The following PKD1L3 variants were observed in gnomAD, a reference collection of about 807,000 sequenced individuals.
The protein encoded by PKD1L3 is polycystin 1 like 3, transient receptor potential channel interacting.
In PKD1L3, 239 loss-of-function variants were observed where a neutral mutation model predicts 184.1. That is an observed-to-expected ratio of 1.30 (90% CI 1.17 to 1.45). The LOEUF (loss-of-function observed/expected upper bound fraction) is 1.45, where lower values mean the gene tolerates loss of function less well. PKD1L3 is among the 40% of genes most tolerant of loss of function. The probability of loss-of-function intolerance (pLI) is 0.00; values close to 1 mark genes in which losing one functional copy is unlikely to be tolerated. For missense variants in PKD1L3, 2,660 were observed against 2,067.2 expected, an observed-to-expected ratio of 1.29 and a Z score of -5.56; for synonymous variants, 996 against 778.8, an observed-to-expected ratio of 1.28 and a Z score of -4.64.
chr16:71,951,605 C>T lies in PKD1L3; in HGVS notation c.3149G>A (p.Gly1050Asp), dbSNP rs1451109460. The T allele has an allele frequency of 1.3e-5, 20 of 1,551,662 alleles. No homozygotes were observed. The highest frequency in any genetic ancestry group is 7.0e-6 in the Non-Finnish European group (8 of 1,146,972). ...CTCTCCCTGCTGATGACAGCCTTGA[C>T]CCTCCAAGTGAGATGATACGAGGCT... ...LSSLVSSHLE[G>D]QGCHQQGERH... Residue 1050 changes from glycine to aspartate, a missense_variant, in exon 19 of 30, where the codon GGT becomes GAT. Gly to Asp is a moderately conservative substitution (Grantham distance 94). Coordinates refer to ENST00000620267, the MANE Select transcript of PKD1L3 (RefSeq NM_181536.2).
At chr16:71,973,285 T>A in intron 12 of PKD1L3, 39 bp downstream of exon 12, 6 of 1,539,302 alleles carry the variant, frequency 3.9e-6, no homozygotes, top group Non-Finnish European at 5.3e-6. Context: ...ACAGTAGCTA[T>A]GGCAGAAGAG....
intron 7 of PKD1L3, among the ~76,000 whole-genome samples, chr16:71,980,667 C>G (rs2040113590): frequency 1.3e-5 from 2 of 152,114 alleles, no homozygotes; most frequent in Non-Finnish European, 2.9e-5. Context: ...AACCCTGTCT[C>G]TACTAAAAGT....
intron 6 of PKD1L3, among the ~76,000 whole-genome samples, chr16:71,983,663 CTTTTTTTTTT>C (rs1180950058): frequency 1.0e-5 from 1 of 100,308 alleles, no homozygotes; most frequent in African/African-American, 3.9e-5. Context: ...GATTCTCTTT[CTTTTTTTTTT>C]TTTTTTTTTT....
At chr16:71,938,655 C>T (rs896789471) in intron 24 of PKD1L3, among the ~76,000 whole-genome samples, 1 of 152,214 alleles carries the variant, frequency 6.6e-6, no homozygotes, top group African/African-American at 2.4e-5. Flanking sequence ...ATAAAAACAC[C>T]AGACTCAGCC....
chr16:71,961,143 T>C (rs1355850376), intron 16 of PKD1L3, among the ~76,000 whole-genome samples: 1 of 152,174 alleles, frequency 6.6e-6, no homozygotes, highest in Non-Finnish European at 1.5e-5. Context: ...TGTTTTGTTT[T>C]GAGATGGAGT....
At chr16:71,983,852 C>T (rs897186976) in intron 6 of PKD1L3, among the ~76,000 whole-genome samples, 184 bp downstream of exon 6, 8 of 150,684 alleles carry the variant, frequency 5.3e-5, no homozygotes, top group Non-Finnish European at 8.9e-5. Flanking sequence ...TCAGTAGAGA[C>T]GGGTTTTGCC....
Position 71,997,275 on chromosome 16 carries a change from G to T in PKD1L3, c.418+997C>A, listed in dbSNP as rs116157713. Among the ~76,000 whole-genome samples the T allele has an allele frequency of 9.6e-3, 1,455 of 151,292 alleles. 18 individuals carry two copies. Among genetic ancestry groups the T allele is most frequent in the African/African-American group, 0.033 (1,335 of 40,738 alleles). On this transcript the variant is annotated intron_variant, in intron 2 of 29. Transcript: ENST00000620267. ...TGCCCAGCAATTGCTCAGTTGTATG[G>T]TAGTTGTTTTTTTTTTAAGAAATCA...
intron 2 of PKD1L3, 100 bp downstream of exon 2, chr16:71,998,172 A>G: frequency 6.9e-7 from 1 of 1,456,070 alleles, no homozygotes; most frequent in Non-Finnish European, 9.3e-7. Context: ...CCATGGTCTA[A>G]CACTCACAGA....
chr16:71,982,246 T>G lies in PKD1L3; in HGVS notation c.967-11A>C, dbSNP rs2040190429. On this transcript the variant is annotated splice_polypyrimidine_tract_variant and intron_variant, in intron 6 of 29. Coordinates refer to ENST00000620267, the MANE Select transcript of PKD1L3 (RefSeq NM_181536.2). ...ATTGATGAGATTAACCTGGGAGGAT[T>G]AGAAAGCAAACATACACCCTTGAAT... The G allele has an allele frequency of 2.7e-6, 4 of 1,484,436 alleles. No homozygotes were observed. The highest frequency in any genetic ancestry group is 2.5e-5 in the East Asian group (1 of 39,636). 92.0% of individuals were successfully genotyped at this position (1,484,436 alleles called of 1,614,324 possible). A position where few individuals can be genotyped will look rare whatever the true frequency, so the allele number is the denominator to read the frequency against.
intron 24 of PKD1L3, 116 bp downstream of exon 24, chr16:71,942,443 AC>A: frequency 1.2e-6 from 1 of 820,388 alleles, no homozygotes; most frequent in Non-Finnish European, 1.9e-6. Flanking sequence ...CAACAAATTT[AC>A]CTCTCTTGTA....
At chr16:71,952,592 T>TGGGAGGATGGC (rs1555516722) in intron 18 of PKD1L3, among the ~76,000 whole-genome samples, 1 of 147,486 alleles carries the variant, frequency 6.8e-6, no homozygotes, top group Non-Finnish European at 1.5e-5. Context: ...CCCAGCACTT[T>TGGGAGGATGGC]GGGAGGCCAA....
chr16:71,944,256 C>T, intron 22 of PKD1L3, 86 bp from the exon 23 acceptor site: 1 of 1,247,814 alleles, frequency 8.0e-7, no homozygotes, highest in Non-Finnish European at 1.1e-6. Context: ...ACTGTGAGCA[C>T]CTCCTTTTAA....
In PKD1L3 at chr16:71,993,270, T is replaced by A. The variant is rs1191282988; in HGVS notation, c.481A>T (p.Arg161Ter). 6.4e-7 allele frequency: 1 copy of A among 1,550,986 alleles called. No homozygotes were observed. Among genetic ancestry groups the A allele is most frequent in the East Asian group, 2.4e-5 (1 of 40,866 alleles). The part of the protein sequence containing the change: ...RNGNNSHLYQ[R>*]HKKTKRGVAI... ...ACTCCTCTTTTTGTCTTCTTGTGTC[T>A]CTGGTACAAATGGGAATTATTTCCA... is the stretch of plus-strand genomic sequence containing the variant. Residue 161 changes from arginine (R) to a stop codon, truncating the protein, a stop_gained, in exon 3 of 30, where the codon AGA becomes TGA. Transcript: ENST00000620267. LOFTEE classifies it high-confidence loss of function.
chr16:71,985,594 G>A (rs1451747127), intron 5 of PKD1L3, among the ~76,000 whole-genome samples: 1 of 152,162 alleles, frequency 6.6e-6, no homozygotes, highest in Non-Finnish European at 1.5e-5. Flanking sequence ...ACCACACCTG[G>A]CTAATTTTTT....
Position 71,977,252 on chromosome 16 carries a change from A to G in PKD1L3, c.1743T>C (p.Asp581=). 6.5e-7 allele frequency: 1 copy of G among 1,529,324 alleles called. No individual in the cohort carries two copies. The highest frequency in any genetic ancestry group is 8.9e-7 in the Non-Finnish European group (1 of 1,126,688). 94.7% of individuals were successfully genotyped at this position (1,529,324 alleles called of 1,614,324 possible). The part of the protein sequence containing the change: ...HFHLNITLPK[D]KVWQKDEEYT... ...GGGTTTTACCTTTTTGCCACACCTT[A>G]TCCTTTGGAAGGGTGATGTTCAGGT... The change falls in exon 11 of 30, where the codon GAT becomes GAC. Residue 581 remains aspartate, a synonymous_variant. Transcript: ENST00000620267.
chr16:71,973,719 T>C (rs909371830), intron 11 of PKD1L3, among the ~76,000 whole-genome samples: 1 of 152,138 alleles, frequency 6.6e-6, no homozygotes, highest in African/African-American at 2.4e-5. Context: ...TACAGTCTTT[T>C]GGCCAGGTGT....
rs2038139261 is a variant in PKD1L3, at chr16:71,935,399, T to C, written c.4572A>G (p.Leu1524=). 1.9e-6 allele frequency: 3 copies of C among 1,551,734 alleles called. No homozygotes were observed. The African/African-American group carries it at 4.1e-5, about 21-fold the overall frequency. The change falls in exon 26 of 30, where the codon CTA becomes CTG. Residue 1524 remains leucine, a synonymous_variant. Transcript: ENST00000620267. The part of the protein sequence containing the change: ...LLGLDMKSIS[L]HKKNMARYRD... ...GGTATCGTGCCATGTTTTTCTTATG[T>C]AGAGAAATACTCTTCATGTCAAGCC...
rs749634059 is a variant in PKD1L3 at position 71,963,343 on chromosome 16, C to T, written c.2474G>A (p.Ser825Asn). 3 of 1,548,288 alleles carry T rather than the reference C, an allele frequency of 1.9e-6. No homozygotes were observed. In the South Asian group the frequency reaches 3.6e-5, roughly 19 times the overall value. ...NSGVSPSWYVSQVIVCDMAVK... is the reference protein window; with the variant it reads ...NSGVSPSWYVNQVIVCDMAVK... ...TGCCATGTCACAGACAATTACCTGGCTGACATACCTATAGTAAAATGAAGA... is the reference window on the plus strand; with the variant it reads ...TGCCATGTCACAGACAATTACCTGGTTGACATACCTATAGTAAAATGAAGA... Residue 825 changes from serine (S) to asparagine (N), a missense_variant, in exon 16 of 30, where the codon AGC becomes AAC. Coordinates refer to ENST00000620267, the MANE Select transcript of PKD1L3 (RefSeq NM_181536.2).
chr16:71,947,523 T>C lies in PKD1L3; in HGVS notation c.3687A>G (p.Glu1229=). The C allele has an allele frequency of 1.4e-5, 21 of 1,545,382 alleles. No individual in the cohort carries two copies. Among genetic ancestry groups the C allele is most frequent in the Admixed American group, 2.0e-5 (1 of 50,978 alleles). The part of the protein sequence containing the change: ...SRMPRLNKEN[E]QQTKRILALL... ...GTGCCAAGATCCTCTTTGTTTGTTGTTCATTCTCTTTGTTAAGCCGTGGCA... is the reference window on the plus strand; with the variant it reads ...GTGCCAAGATCCTCTTTGTTTGTTGCTCATTCTCTTTGTTAAGCCGTGGCA... Residue 1229 remains glutamate, a synonymous_variant, in exon 22 of 30, where the codon GAA becomes GAG. Coordinates refer to ENST00000620267, the MANE Select transcript of PKD1L3 (RefSeq NM_181536.2).
Sources: allele counts gnomAD v4.1 joint callset (sites outside exome capture counted in the v4.1 genomes callset), GRCh38; gene constraint gnomAD v4.1.1; transcripts MANE v1.5; gene names NCBI Gene and HGNC (gene_info 2026-07-23, HGNC 2026-07-21).